PARP4: variants seen among roughly 807,000 people sequenced by gnomAD.
The protein encoded by PARP4 is protein mono-ADP-ribosyltransferase PARP4.
In PARP4, 120 loss-of-function variants were observed where a neutral mutation model predicts 187.7. That is an observed-to-expected ratio of 0.64 (90% CI 0.55 to 0.74). The LOEUF (loss-of-function observed/expected upper bound fraction) is 0.74. Ranked by LOEUF, PARP4 falls within the 30% of genes least tolerant of loss-of-function variation. The pLI, the probability that PARP4 is intolerant of heterozygous loss-of-function variation, is 0.00. For synonymous variants in PARP4, 654 were observed against 740.9 expected, an observed-to-expected ratio of 0.88 and a Z score of 1.90; for missense variants, 1,836 against 2,070.5, an observed-to-expected ratio of 0.89 and a Z score of 2.20.
chr13:24,463,745 G>C (rs1872319743), intron 17 of PARP4, among the ~76,000 whole-genome samples: 1 of 152,082 alleles, frequency 6.6e-6, no homozygotes, highest in African/African-American at 2.4e-5. Context: ...ACAAGACAAG[G>C]ATGCCCTCTC....
chr13:24,490,228 GCA>G (rs775532367), intron 10 of PARP4, among the ~76,000 whole-genome samples: 1 of 152,032 alleles, frequency 6.6e-6, no homozygotes, highest in Non-Finnish European at 1.5e-5. Flanking sequence ...CCCTGGGTAT[GCA>G]CAGTGAATGA....
intron 32 of PARP4, 115 bp from the exon 33 acceptor site, chr13:24,426,713 C>T: frequency 1.1e-6 from 1 of 917,200 alleles, no homozygotes; most frequent in Non-Finnish European, 1.7e-6. Context: ...CACAATGAAA[C>T]TCCATCTCTG....
chr13:24,466,729 G>A (rs1419141796), intron 17 of PARP4, among the ~76,000 whole-genome samples: 1 of 149,016 alleles, frequency 6.7e-6, no homozygotes, highest in East Asian at 2.0e-4. Context: ...GGGAGGCAGA[G>A]GTTAGGTTGC....
At chr13:24,430,018 T>C (rs996669989) in intron 32 of PARP4, among the ~76,000 whole-genome samples, 6 of 152,220 alleles carry the variant, frequency 3.9e-5, no homozygotes, top group African/African-American at 1.4e-4. Context: ...CTTTCAAAGA[T>C]TATGTTCACT....
intron 10 of PARP4, among the ~76,000 whole-genome samples, chr13:24,487,524 T>C (rs61948874): frequency 0.11 from 15,820 of 147,426 alleles, no homozygotes; most frequent in African/African-American, 0.19. Context: ...AGCCAACAGA[T>C]GAAGGACACT....
At chr13:24,497,202 G>A (rs1429538031) in intron 6 of PARP4, among the ~76,000 whole-genome samples, 2 of 143,382 alleles carry the variant, frequency 1.4e-5, no homozygotes, top group African/African-American at 4.9e-5. Flanking sequence ...CTAGGGCAAA[G>A]GTATGGCCTC....
chr13:24,493,606 C>T lies in PARP4; in HGVS notation c.869G>A (p.Ser290Asn). The T allele has an allele frequency of 6.2e-7, 1 of 1,610,852 alleles. No individual in the cohort carries two copies. The highest frequency in any genetic ancestry group is 8.5e-7 in the Non-Finnish European group (1 of 1,179,284). ...HMLLKPVNRI[S>N]LNDVSKAEGI... ...GACACACCAACTTACATCGTTGAGG[C>T]TAATCCTGTTCACTGGCTTGAGAAG... The change falls in exon 8 of 34, where the codon AGC becomes AAC. Residue 290 changes from serine (S) to asparagine (N), a missense_variant. Transcript: ENST00000381989.
intron 20 of PARP4, among the ~76,000 whole-genome samples, chr13:24,458,058 C>T (rs952665185): frequency 6.6e-6 from 1 of 151,722 alleles, no homozygotes; most frequent in African/African-American, 2.4e-5. Context: ...ATCCCTTGAA[C>T]CCAAGAGTTT....
intron 16 of PARP4, among the ~76,000 whole-genome samples, chr13:24,469,483 T>G (rs556641035): frequency 2.3e-4 from 35 of 152,314 alleles, no homozygotes; most frequent in Non-Finnish European, 4.9e-4. Context: ...CAACTGTTGT[T>G]TCTTTTCTTT....
At chr13:24,504,438 C>G (rs1017707744) in intron 1 of PARP4, among the ~76,000 whole-genome samples, 1 of 151,024 alleles carries the variant, frequency 6.6e-6, no homozygotes. Flanking sequence ...CTCAGCCTCC[C>G]GAGTAGCTGG....
At chr13:24,502,680 C>G (rs774037550) in intron 2 of PARP4, among the ~76,000 whole-genome samples, 1 of 152,342 alleles carries the variant, frequency 6.6e-6, no homozygotes, top group South Asian at 2.1e-4. Flanking sequence ...CAGTATGTGA[C>G]TTTCTAAAAA....
At position 24,437,849 on chromosome 13, in the gene PARP4, C is replaced by CAAAAAAAAA. The variant is rs1216300092; in HGVS notation, c.3667-2384_3667-2376dup. ...TGGGTGACAGAGTGAGACTCCATCT[C>CAAAAAAAAA]AAAAAAAAAAAAGAATCATACTGAG... On this transcript the variant is annotated intron_variant, in intron 30 of 33. Transcript: ENST00000381989. Among the ~76,000 whole-genome samples, 83 of 118,306 alleles carry CAAAAAAAAA rather than the reference C, an allele frequency of 7.0e-4. 6 individuals carry two copies. Among genetic ancestry groups the CAAAAAAAAA allele is most frequent in the Middle Eastern group, 4.7e-3 (1 of 212 alleles). 77.6% of individuals were successfully genotyped at this position (118,306 alleles called of 152,430 possible). A position where few individuals can be genotyped will look rare whatever the true frequency, so the allele number is the denominator to read the frequency against.
chr13:24,483,747 C>T (rs1446629665), intron 12 of PARP4, among the ~76,000 whole-genome samples: 2 of 152,090 alleles, frequency 1.3e-5, no homozygotes, highest in Non-Finnish European at 2.9e-5. Context: ...CTGCCTCACC[C>T]TCTTGAGTAG....
chr13:24,481,314 G>A (rs1873267873), intron 12 of PARP4, among the ~76,000 whole-genome samples: 1 of 152,264 alleles, frequency 6.6e-6, no homozygotes, highest in Non-Finnish European at 1.5e-5. Context: ...CAAGGAATTT[G>A]TTGTTTTCAT....
chr13:24,464,734 C>CA (rs757327349), intron 17 of PARP4, among the ~76,000 whole-genome samples: 27 of 152,118 alleles, frequency 1.8e-4, no homozygotes, highest in Non-Finnish European at 3.4e-4. Context: ...GACATAGGCA[C>CA]AGTCAAAGAT....
chr13:24,465,664 T>C (rs1436633866), intron 17 of PARP4, among the ~76,000 whole-genome samples: 1 of 151,966 alleles, frequency 6.6e-6, no homozygotes, highest in East Asian at 1.9e-4. Flanking sequence ...AGCTAATGCA[T>C]GTGGGGCTTA....
intron 11 of PARP4, 139 bp downstream of exon 11, chr13:24,486,029 T>G: frequency 1.5e-6 from 1 of 689,338 alleles, no homozygotes; most frequent in Non-Finnish European, 2.4e-6. Flanking sequence ...AAGTGTGTAA[T>G]TTTCTCCAGA....
At chr13:24,493,772 A>G in intron 7 of PARP4, 39 bp from the exon 8 acceptor site, 2 of 1,607,148 alleles carry the variant, frequency 1.2e-6, no homozygotes, top group African/African-American at 1.3e-5. Context: ...AAAAGTCATC[A>G]TGTGTGAGTT....
intron 18 of PARP4, 112 bp downstream of exon 18, chr13:24,459,860 C>A: frequency 3.6e-6 from 3 of 830,104 alleles, no homozygotes; most frequent in South Asian, 4.2e-5. Flanking sequence ...AACTTTATGC[C>A]TAAAAGATTA....
Sources: gnomAD v4.1 joint callset for allele counts (sites outside exome capture counted in the v4.1 genomes callset) on GRCh38, gnomAD v4.1.1 for gene constraint, MANE v1.5 for transcripts, NCBI Gene and HGNC (gene_info 2026-07-23, HGNC 2026-07-21) for gene names.